ASL: variants seen among roughly 807,000 people sequenced by gnomAD.
ASL encodes argininosuccinate lyase, also known as argininosuccinase.
A neutral mutation model predicts 69.1 loss-of-function variants in ASL; 51 were observed. The ratio of observed to expected loss-of-function variants is 0.74; its 90% CI spans 0.59 to 0.93. The LOEUF is 0.93. Among genes scored for constraint, ASL ranks in the 40% least tolerant of loss-of-function variants. The probability of loss-of-function intolerance (pLI) is 0.00; values close to 1 mark genes in which losing one functional copy is unlikely to be tolerated. For synonymous variants in ASL, 241 were observed against 247.6 expected, an observed-to-expected ratio of 0.97 and a Z score of 0.25; for missense variants, 540 against 623.9, an observed-to-expected ratio of 0.87 and a Z score of 1.43.
intron 6 of ASL, among the ~76,000 whole-genome samples, chr7:66,083,501 A>G (rs1186150353): frequency 6.6e-6 from 1 of 151,990 alleles, no homozygotes; most frequent in South Asian, 2.1e-4. Flanking sequence ...CCTGGCCAAC[A>G]TGGGAAAACT....
rs1291232143 is a variant in ASL at position 66,075,830 on chromosome 7, C to G, written c.-70C>G. ...GAAAAGCCCTGGCCAGTGGCGGGCG[C>G]GACACTATCCGTGCGGCCAGGCGGA... On this transcript the variant is annotated 5_prime_UTR_variant, in exon 1 of 17. Coordinates refer to ENST00000304874, the MANE Select transcript of ASL (RefSeq NM_000048.4). The G allele has an allele frequency of 4.0e-6, 2 of 499,368 alleles. No homozygotes were observed. The highest frequency in any genetic ancestry group is 3.8e-5 in the East Asian group (1 of 26,586). The allele number at this position is 499,368 out of a possible 1,614,324, so 30.9% of individuals were successfully genotyped here.
At chr7:66,086,433 T>C (rs1488766655) in intron 6 of ASL, 152 bp from the exon 7 acceptor site, 1 of 845,392 alleles carries the variant, frequency 1.2e-6, no homozygotes, top group African/African-American at 1.7e-5. Context: ...TTAAGACTGA[T>C]TTGTCCCTGG....
rs779988786 is a variant in ASL at position 66,076,089 on chromosome 7, C to T, written c.8C>T (p.Ser3Leu). Residue 3 changes from serine (S) to leucine (L), a missense_variant, in exon 2 of 17, where the codon TCG (serine) becomes TTG (leucine). Physicochemically the swap from Ser to Leu is moderately radical, Grantham distance 145 (BLOSUM62 -2). Coordinates refer to ENST00000304874, the MANE Select transcript of ASL (RefSeq NM_000048.4). ...GACGAGGAACCGCCCAACATGGCCTCGGAGGTGAGTGGGACCTCGGGGACT... is the reference window on the plus strand; with the variant it reads ...GACGAGGAACCGCCCAACATGGCCTTGGAGGTGAGTGGGACCTCGGGGACT... MA[S>L]ESGKLWGGRF... 13 of 1,599,480 alleles carry T rather than the reference C, an allele frequency of 8.1e-6. No individual in the cohort carries two copies. The highest frequency in any genetic ancestry group is 1.0e-5 in the Non-Finnish European group (12 of 1,173,806).
intron 6 of ASL, among the ~76,000 whole-genome samples, chr7:66,085,610 CTTT>C (rs76552002): frequency 6.9e-6 from 1 of 144,102 alleles, no homozygotes; most frequent in Non-Finnish European, 1.5e-5. Context: ...AAGACCCCAT[CTTT>C]TTTTTTTTTT....
intron 2 of ASL, among the ~76,000 whole-genome samples, chr7:66,080,373 G>C (rs1438175913): frequency 9.8e-6 from 1 of 102,382 alleles, no homozygotes; most frequent in African/African-American, 4.0e-5. Context: ...GTGACAAAGA[G>C]AGACTCCATC....
At chr7:66,077,544 C>T (rs1373864497) in intron 2 of ASL, among the ~76,000 whole-genome samples, 1 of 152,120 alleles carries the variant, frequency 6.6e-6, no homozygotes, top group African/African-American at 2.4e-5. Context: ...GCCTGGCCAA[C>T]ATGGTGAAAC....
intron 8 of ASL, 37 bp downstream of exon 8, chr7:66,086,858 G>A (rs777593646): frequency 6.5e-7 from 1 of 1,547,502 alleles, no homozygotes. Flanking sequence ...GCCTGGTGGG[G>A]GTGGCTGCTG....
chr7:66,092,919 C>T lies in ASL; in HGVS notation c.*7C>T. ...GCAGGCACAGCAGGCCTAGGTCCTCCCACACCTGCCCCCTAATAAAGTGGG... is the reference window on the plus strand; with the variant it reads ...GCAGGCACAGCAGGCCTAGGTCCTCTCACACCTGCCCCCTAATAAAGTGGG... On this transcript the variant is annotated 3_prime_UTR_variant, in exon 17 of 17. Coordinates refer to ENST00000304874, the MANE Select transcript of ASL (RefSeq NM_000048.4). 1 of 1,603,388 alleles carries T rather than the reference C, an allele frequency of 6.2e-7. No individual in the cohort carries two copies. Among genetic ancestry groups the T allele is most frequent in the South Asian group, 1.1e-5 (1 of 90,936 alleles).
At chr7:66,086,141 C>T (rs1326001861) in intron 6 of ASL, among the ~76,000 whole-genome samples, 1 of 152,164 alleles carries the variant, frequency 6.6e-6, no homozygotes, top group Non-Finnish European at 1.5e-5. Flanking sequence ...ACTCACAGCA[C>T]CTCTGCCTCT....
intron 14 of ASL, 139 bp downstream of exon 14, chr7:66,089,834 C>A: frequency 1.1e-6 from 1 of 917,094 alleles, no homozygotes; most frequent in Non-Finnish European, 1.7e-6. Flanking sequence ...CGCTCCTGCT[C>A]CTGGGGAACA....
chr7:66,084,636 G>A (rs567319991), intron 6 of ASL, among the ~76,000 whole-genome samples: 1 of 151,810 alleles, frequency 6.6e-6, no homozygotes, highest in East Asian at 1.9e-4. Flanking sequence ...TGCACCACCT[G>A]TGAGACAGAG....
At chr7:66,076,246 G>T (rs377765155) in intron 2 of ASL, among the ~76,000 whole-genome samples, 153 bp downstream of exon 2, 1 of 152,182 alleles carries the variant, frequency 6.6e-6, no homozygotes. Flanking sequence ...CCTCCCGGGC[G>T]CATCATCTGG....
In ASL at chr7:66,093,167, A is replaced by T. The variant is rs1786904042; in HGVS notation, c.*255A>T. The stretch of plus-strand genomic sequence containing the variant: ...CCCATCTCTACTCAATAATAAAACA[A>T]ATAGCCTGGCGTGGTGGCCCATGCA... On this transcript the variant is annotated 3_prime_UTR_variant, in exon 17 of 17. Coordinates refer to ENST00000304874, the MANE Select transcript of ASL (RefSeq NM_000048.4). 4 of 577,152 alleles carry T rather than the reference A, an allele frequency of 6.9e-6. No individual in the cohort carries two copies. The Admixed American group carries it at 9.0e-5, about 13-fold the overall frequency. 35.8% of individuals were successfully genotyped at this position (577,152 alleles called of 1,614,324 possible).
intron 13 of ASL, 69 bp downstream of exon 13, chr7:66,089,404 C>A (rs1334885936): frequency 6.5e-7 from 1 of 1,546,568 alleles, no homozygotes; most frequent in African/African-American, 1.4e-5. Context: ...CAGGCAGGGC[C>A]CCACCCCGGG....
intron 5 of ASL, 44 bp downstream of exon 5, chr7:66,082,980 T>C (rs368180027): frequency 1.1e-4 from 171 of 1,612,012 alleles, no homozygotes; most frequent in Non-Finnish European, 1.4e-4. Context: ...GTCCCAACCT[T>C]GAGGAGCCCA....
rs1786338186 is a variant in ASL, at chr7:66,076,075, GC to G, written c.-4del. 1.9e-6 allele frequency: 3 copies of G among 1,599,776 alleles called. No homozygotes were observed. Among genetic ancestry groups the G allele is most frequent in the Middle Eastern group, 1.7e-4 (1 of 6,036 alleles). On this transcript the variant is annotated 5_prime_UTR_variant, in exon 2 of 17. Coordinates refer to ENST00000304874, the MANE Select transcript of ASL (RefSeq NM_000048.4). The stretch of plus-strand genomic sequence containing the variant: ...CGAAGCTTCCGGACGACGAGGAACC[GC>G]CCAACATGGCCTCGGAGGTGAGTGG...
intron 9 of ASL, 134 bp from the exon 10 acceptor site, chr7:66,087,595 G>A (rs1279562234): frequency 3.9e-6 from 4 of 1,014,792 alleles, no homozygotes; most frequent in East Asian, 2.6e-5. Context: ...CCTCCCTCCT[G>A]GGACTGTGCA....
chr7:66,077,555 C>A (rs561554591), intron 2 of ASL, among the ~76,000 whole-genome samples: 1 of 152,168 alleles, frequency 6.6e-6, no homozygotes, highest in Admixed American at 6.5e-5. Flanking sequence ...ATGGTGAAAC[C>A]CCGTCTCTAC....
chr7:66,092,240 C>T (rs1213076147), intron 15 of ASL, among the ~76,000 whole-genome samples, 154 bp downstream of exon 15: 1 of 151,896 alleles, frequency 6.6e-6, no homozygotes, highest in Non-Finnish European at 1.5e-5. Flanking sequence ...TCACTTGAGG[C>T]CAGGAGTTCG....
Sources: allele counts gnomAD v4.1 joint callset (sites outside exome capture counted in the v4.1 genomes callset), GRCh38; gene constraint gnomAD v4.1.1; transcripts MANE v1.5; gene names NCBI Gene and HGNC (gene_info 2026-07-23, HGNC 2026-07-21).